CPPED1: variants seen among roughly 807,000 people sequenced by gnomAD.
The protein encoded by CPPED1 is serine/threonine-protein phosphatase CPPED1.
CPPED1 carries 28 observed loss-of-function variants against 28.0 expected under a neutral mutation model. The ratio of observed to expected loss-of-function variants is 1.00; its 90% CI spans 0.74 to 1.37. The LOEUF (loss-of-function observed/expected upper bound fraction) is 1.37. Among genes scored for constraint, CPPED1 ranks in the 40% most tolerant of loss-of-function variants. The pLI, the probability that CPPED1 is intolerant of heterozygous loss-of-function variation, is 0.00. For synonymous variants in CPPED1, 198 were observed against 180.2 expected (o/e 1.10, Z -0.79); for missense variants, 504 against 416.5 (o/e 1.21, Z -1.83).
intron 3 of CPPED1, among the ~76,000 whole-genome samples, chr16:12,694,722 A>T (rs1000247516): frequency 3.7e-5 from 3 of 80,128 alleles, no homozygotes; most frequent in Non-Finnish European, 2.1e-5. Flanking sequence ...ATGGATGCTT[A>T]AAAAAAGGTG....
chr16:12,664,627 T>C lies in CPPED1; in HGVS notation c.*259A>G. ...GAAACACAGCATTAGGAGAATTTAT[T>C]CAAACATCCATGCAGAGATAGTCTA... On this transcript the variant is annotated 3_prime_UTR_variant, in exon 4 of 4. Transcript: ENST00000381774. The surrounding 1 kb of genome is among the most constrained non-coding windows in gnomAD (Gnocchi z 4.2). 7.9e-7 allele frequency: 1 copy of C among 1,273,660 alleles called. No homozygotes were observed. The highest frequency in any genetic ancestry group is 9.9e-7 in the Non-Finnish European group (1 of 1,013,252). The allele number at this position is 1,273,660 out of a possible 1,614,324, so 78.9% of individuals were successfully genotyped here. A position where few individuals can be genotyped will look rare whatever the true frequency, so the allele number is the denominator to read the frequency against.
At chr16:12,721,622 G>A (rs756055471) in intron 2 of CPPED1, among the ~76,000 whole-genome samples, 7 of 151,814 alleles carry the variant, frequency 4.6e-5, no homozygotes, top group Non-Finnish European at 7.4e-5. Flanking sequence ...GCATGGTAGC[G>A]GGCACCTGTA....
At chr16:12,680,220 C>G (rs1302159696) in intron 3 of CPPED1, among the ~76,000 whole-genome samples, 1 of 152,168 alleles carries the variant, frequency 6.6e-6, no homozygotes, top group Non-Finnish European at 1.5e-5. Flanking sequence ...ATCTCCCTCT[C>G]CCCTATGAAT....
intron 2 of CPPED1, among the ~76,000 whole-genome samples, chr16:12,739,325 A>G (rs2080242461): frequency 6.6e-6 from 1 of 152,206 alleles, no homozygotes; most frequent in African/African-American, 2.4e-5. Context: ...CACGCCTGTA[A>G]TCACAGCACT....
chr16:12,668,395 G>A (rs1324932477), intron 3 of CPPED1, among the ~76,000 whole-genome samples: 3 of 152,112 alleles, frequency 2.0e-5, no homozygotes, highest in African/African-American at 7.2e-5. Context: ...TGCCATGTTT[G>A]GAAGGGAGAT....
chr16:12,670,818 T>C lies in CPPED1; in HGVS notation c.716-5703A>G, dbSNP rs1024103728. Among the ~76,000 whole-genome samples the C allele has an allele frequency of 6.6e-6, 1 of 152,180 alleles. No individual in the cohort carries two copies. Among genetic ancestry groups the C allele is most frequent in the Non-Finnish European group, 1.5e-5 (1 of 68,022 alleles). On this transcript the variant is annotated intron_variant, in intron 3 of 3. Transcript: ENST00000381774. This position sits in a 1 kb window ranked among gnomAD's most constrained non-coding sequence, Gnocchi z 4.2. Reference sequence around the variant, plus strand: ...ACATACGATGACTAAATGTAAATGATCCATGTGTTTTTATTTTTTTAATTA... The same window carrying C: ...ACATACGATGACTAAATGTAAATGACCCATGTGTTTTTATTTTTTTAATTA...
chr16:12,797,409 C>T (rs1346876604), intron 1 of CPPED1, among the ~76,000 whole-genome samples: 5 of 152,000 alleles, frequency 3.3e-5, no homozygotes, highest in African/African-American at 7.3e-5. Flanking sequence ...ATCAGCCAGG[C>T]GTGGTAGCAC....
chr16:12,667,102 G>C (rs2079829799), intron 3 of CPPED1, among the ~76,000 whole-genome samples: 1 of 151,942 alleles, frequency 6.6e-6, no homozygotes, highest in Non-Finnish European at 1.5e-5. Context: ...AGAGAAGTTA[G>C]TCAAGAGAGA....
intron 3 of CPPED1, among the ~76,000 whole-genome samples, chr16:12,673,880 C>G (rs1332355359): frequency 1.3e-5 from 2 of 151,994 alleles, no homozygotes; most frequent in African/African-American, 4.8e-5. Flanking sequence ...GACCCTGTCT[C>G]TACAAAAAAA....
chr16:12,705,187 A>G (rs2080043467), intron 2 of CPPED1, 138 bp from the exon 3 acceptor site: 3 of 929,150 alleles, frequency 3.2e-6, no homozygotes, highest in South Asian at 3.6e-5. Context: ...GAAACTGCAA[A>G]ATGCAGTCAC....
At chr16:12,747,644 C>T (rs1290282384) in intron 2 of CPPED1, among the ~76,000 whole-genome samples, 4 of 152,010 alleles carry the variant, frequency 2.6e-5, no homozygotes, top group Non-Finnish European at 4.4e-5. Flanking sequence ...TCTCAAACTC[C>T]TGGGCTCAGG....
At chr16:12,704,295 T>C (rs79126299) in intron 3 of CPPED1, among the ~76,000 whole-genome samples, 5,081 of 152,202 alleles carry the variant, frequency 0.033, 126 homozygotes, top group East Asian at 0.1. Context: ...CTTCCAGAAC[T>C]CCAATCTTCA....
At chr16:12,742,411 T>C (rs1036093613) in intron 2 of CPPED1, among the ~76,000 whole-genome samples, 9 of 152,156 alleles carry the variant, frequency 5.9e-5, no homozygotes, top group Non-Finnish European at 1.2e-4. Flanking sequence ...GAATTACAAA[T>C]GTTCCAAGAT....
intron 3 of CPPED1, among the ~76,000 whole-genome samples, chr16:12,667,200 C>T (rs1207572201): frequency 6.6e-6 from 1 of 152,160 alleles, no homozygotes; most frequent in East Asian, 1.9e-4. Context: ...ATGGAGAAAT[C>T]ACGTGGTAAA....
At chr16:12,708,175 G>GA (rs60085959) in intron 2 of CPPED1, among the ~76,000 whole-genome samples, 8,644 of 148,832 alleles carry the variant, frequency 0.058, 823 homozygotes, top group African/African-American at 0.2. Flanking sequence ...TTTATTGTTG[G>GA]AAAAAAAAAA....
intron 2 of CPPED1, among the ~76,000 whole-genome samples, chr16:12,710,919 A>T (rs2080076716): frequency 6.6e-6 from 1 of 152,206 alleles, no homozygotes; most frequent in African/African-American, 2.4e-5. Context: ...CACTGTGGAA[A>T]ACAATATGGT....
At chr16:12,674,733 A>G (rs2079869537) in intron 3 of CPPED1, among the ~76,000 whole-genome samples, 3 of 152,196 alleles carry the variant, frequency 2.0e-5, no homozygotes, top group Admixed American at 2.0e-4. Flanking sequence ...GCTAGACAAC[A>G]GGGCATCCAG....
rs774118307 is a variant in CPPED1 at position 12,786,287 on chromosome 16, C to T, written c.71-4884G>A. On this transcript the variant is annotated intron_variant, in intron 1 of 3. Transcript: ENST00000381774. ...TTACTGAACCCCGGGGTGACCTATG[C>T]GCACATCCAAATTTGGGAAGCACCA... 7.7e-4 allele frequency among the ~76,000 whole-genome samples: 117 copies of T among 152,140 alleles called. 1 individual carries two copies. Among genetic ancestry groups the T allele is most frequent in the Non-Finnish European group, 3.2e-4 (22 of 68,026 alleles).
At position 12,664,797 on chromosome 16, in the gene CPPED1, T is replaced by C. The variant is rs2141162741; in HGVS notation, c.*89A>G. On this transcript the variant is annotated 3_prime_UTR_variant, in exon 4 of 4. Coordinates refer to ENST00000381774, the MANE Select transcript of CPPED1 (RefSeq NM_018340.3). The surrounding 1 kb of genome is among the most constrained non-coding windows in gnomAD (Gnocchi z 4.2). ...CACAAACCTGCCTGGGCTATTTTTA[T>C]ATTTCAGCAAGAGGTTGTGTGCAGC... 2 of 1,561,976 alleles carry C rather than the reference T, an allele frequency of 1.3e-6. No homozygotes were observed. Among genetic ancestry groups the C allele is most frequent in the South Asian group, 1.2e-5 (1 of 82,136 alleles).
Sources: allele counts gnomAD v4.1 joint callset (sites outside exome capture counted in the v4.1 genomes callset), GRCh38; gene constraint gnomAD v4.1.1; non-coding constraint Gnocchi (gnomAD v3.1); transcripts MANE v1.5; gene names NCBI Gene and HGNC (gene_info 2026-07-23, HGNC 2026-07-21).